The following NOS1 variants were observed in gnomAD, a reference collection of about 807,000 sequenced individuals.
NOS1 encodes the protein nitric oxide synthase 1.
Under a neutral mutation model 164.5 loss-of-function variants are expected in NOS1, and 51 were observed. That is an observed-to-expected ratio of 0.31 (90% CI 0.25 to 0.39). NOS1 has a LOEUF of 0.39. NOS1 is among the 10% of genes least tolerant of loss of function. The pLI is 1.00. For missense variants in NOS1, 1,362 were observed against 1,885.6 expected, an observed-to-expected ratio of 0.72 and a Z score of 5.14; for synonymous variants, 719 against 745.8, an observed-to-expected ratio of 0.96 and a Z score of 0.59.
At chr12:117,354,492 T>C (rs1444371122) in intron 1 of NOS1, among the ~76,000 whole-genome samples, 2 of 152,234 alleles carry the variant, frequency 1.3e-5, no homozygotes, top group Non-Finnish European at 2.9e-5. Context: ...TTTTTCTTAC[T>C]GAGTATTCCA....
intron 17 of NOS1, 22 bp downstream of exon 17, chr12:117,253,613 CCGA>C: frequency 6.5e-7 from 1 of 1,546,560 alleles, no homozygotes; most frequent in Non-Finnish European, 8.9e-7. Flanking sequence ...TCCCTGACCC[CCGA>C]CCCCCTTATC....
intron 9 of NOS1, among the ~76,000 whole-genome samples, chr12:117,276,959 A>G (rs1873235520): frequency 6.6e-6 from 1 of 152,184 alleles, no homozygotes; most frequent in Non-Finnish European, 1.5e-5. Context: ...GGGTACAGAT[A>G]TCTCTTCGAT....
chr12:117,256,008 CG>C, intron 16 of NOS1: 1 of 1,465,612 alleles, frequency 6.8e-7, no homozygotes. Flanking sequence ...AGGCCCTTTA[CG>C]GGGAAAGAAA....
Position 117,208,365 on chromosome 12 carries a change from A to G in NOS1, c.*6944T>C. 8.0e-7 allele frequency: 1 copy of G among 1,257,078 alleles called. No individual in the cohort carries two copies. 77.9% of individuals were successfully genotyped at this position (1,257,078 alleles called of 1,614,324 possible). On this transcript the variant is annotated 3_prime_UTR_variant, in exon 29 of 29. Coordinates refer to ENST00000317775, the MANE Select transcript of NOS1 (RefSeq NM_000620.5). ...TTAGCAGCATTGAGAGCTCAGAGGTAGGGGGGACGGCCGAGTTTCTGACAG... is the reference window on the plus strand; with the variant it reads ...TTAGCAGCATTGAGAGCTCAGAGGTGGGGGGGACGGCCGAGTTTCTGACAG...
chr12:117,335,729 T>TGAGAGAGAGAGAGAGGGAGAGAGAGA (rs1875777002), intron 1 of NOS1, among the ~76,000 whole-genome samples: 1 of 112,540 alleles, frequency 8.9e-6, no homozygotes, highest in Non-Finnish European at 1.8e-5. Flanking sequence ...ACAGACTATA[T>TGAGAGAGAGAGAGAGGGAGAGAGAGA]GAGAGAGAGA....
intron 16 of NOS1, among the ~76,000 whole-genome samples, chr12:117,256,282 C>CTTTTTTTTTTTTTTTTTTTTTTT (rs1566042530): frequency 1.3e-5 from 1 of 76,808 alleles, no homozygotes; most frequent in African/African-American, 1.1e-4. Context: ...AAGGGATTTT[C>CTTTTTTTTTTTTTTTTTTTTTTT]TGTTTTTTTT....
At chr12:117,327,460 C>T (rs1329796037) in intron 2 of NOS1, among the ~76,000 whole-genome samples, 1 of 152,190 alleles carries the variant, frequency 6.6e-6, no homozygotes, top group Admixed American at 6.5e-5. Context: ...CTCAAGATGC[C>T]ACCTCCACTG....
intron 2 of NOS1, among the ~76,000 whole-genome samples, chr12:117,322,813 T>TCCTCCTTC: frequency 9.3e-6 from 1 of 107,458 alleles, no homozygotes; most frequent in African/African-American, 3.6e-5. Context: ...TTCCCTCCCT[T>TCCTCCTTC]CCTCCTTCCC....
At position 117,253,685 on chromosome 12, in the gene NOS1, G is replaced by A. The variant is rs9658446; in HGVS notation, c.2601C>T (p.Pro867=). ...CACTCTCAAAGTTGTCTCTGAGGTCGGGCCCATCGCCTGATGATTTTTGGG... is the reference window on the plus strand; with the variant it reads ...CACTCTCAAAGTTGTCTCTGAGGTCAGGCCCATCGCCTGATGATTTTTGGG... ...SDSQKSSGDG[P]DLRDNFESAG... The change falls in exon 17 of 29, where the codon CCC becomes CCT. Residue 867 remains proline, a synonymous_variant. Coordinates refer to ENST00000317775, the MANE Select transcript of NOS1 (RefSeq NM_000620.5). 9.0e-3 allele frequency: 14,583 copies of A among 1,613,904 alleles called. 320 individuals carry two copies. The highest frequency in any genetic ancestry group is 0.079 in the African/African-American group (5,941 of 74,966).
chr12:117,215,879 T>A (rs1228230380), intron 28 of NOS1, among the ~76,000 whole-genome samples: 1 of 144,552 alleles, frequency 6.9e-6, no homozygotes, highest in East Asian at 2.0e-4. Flanking sequence ...CTTTTTTTTT[T>A]TTTTTTTTTT....
chr12:117,246,902 T>C (rs907905296), intron 18 of NOS1, among the ~76,000 whole-genome samples: 2 of 152,206 alleles, frequency 1.3e-5, no homozygotes, highest in Non-Finnish European at 2.9e-5. Flanking sequence ...AGTTTAAGTT[T>C]AAATTTAAAT....
intron 27 of NOS1, among the ~76,000 whole-genome samples, chr12:117,219,856 G>A (rs192358908): frequency 1.3e-5 from 2 of 152,248 alleles, no homozygotes; most frequent in East Asian, 3.9e-4. Context: ...ACAGCCTCCA[G>A]TCATATTTGC....
intron 1 of NOS1, chr12:117,347,935 G>C (rs547761918): frequency 6.6e-6 from 1 of 151,440 alleles, no homozygotes; most frequent in South Asian, 2.1e-4. Flanking sequence ...ACCAGTCCTT[G>C]CATACTCATT....
chr12:117,301,188 C>T (rs1248222556), intron 3 of NOS1, among the ~76,000 whole-genome samples: 4 of 152,162 alleles, frequency 2.6e-5, no homozygotes, highest in Admixed American at 1.3e-4. Context: ...AGTGTAGTGG[C>T]ACCATCTTGG....
intron 18 of NOS1, chr12:117,246,311 T>A (rs899410778): frequency 1.3e-5 from 2 of 152,212 alleles, no homozygotes; most frequent in Non-Finnish European, 2.9e-5. Context: ...ATTATTATTA[T>A]TTTTTAAGCA....
intron 9 of NOS1, among the ~76,000 whole-genome samples, chr12:117,276,141 A>G (rs1873161349): frequency 6.6e-6 from 1 of 152,232 alleles, no homozygotes. Flanking sequence ...ATCATGGAGA[A>G]TGGGGTATCC....
chr12:117,296,576 T>C (rs12423054), intron 3 of NOS1, among the ~76,000 whole-genome samples: 37,473 of 152,162 alleles, frequency 0.25, 5,218 homozygotes, highest in Non-Finnish European at 0.31. Flanking sequence ...TCGGGCTGGC[T>C]TCCTTGCTCC....
chr12:117,283,056 A>ATATATATATTTTT (rs1360367568), intron 7 of NOS1, among the ~76,000 whole-genome samples: 12 of 92,952 alleles, frequency 1.3e-4, no homozygotes, highest in African/African-American at 4.3e-4. Flanking sequence ...ATATATATAT[A>ATATATATATTTTT]TTTTTTTTTT....
At chr12:117,316,918 T>A (rs1874694787) in intron 2 of NOS1, among the ~76,000 whole-genome samples, 1 of 152,204 alleles carries the variant, frequency 6.6e-6, no homozygotes, top group African/African-American at 2.4e-5. Context: ...TCTCACTCTG[T>A]CACCCAGGTT....
Sources: allele counts gnomAD v4.1 joint callset (sites outside exome capture counted in the v4.1 genomes callset), GRCh38; gene constraint gnomAD v4.1.1; transcripts MANE v1.5; gene names NCBI Gene and HGNC (gene_info 2026-07-23, HGNC 2026-07-21).